Variants in ITGA8 observed in about 807,000 individuals in gnomAD.
ITGA8 encodes the protein integrin alpha-8.
Under a neutral mutation model 142.3 loss-of-function variants are expected in ITGA8, and 91 were observed. The ratio of observed to expected loss-of-function variants is 0.64; its 90% CI spans 0.54 to 0.76. The LOEUF (loss-of-function observed/expected upper bound fraction) is 0.76. Among genes scored for constraint, ITGA8 ranks in the 30% least tolerant of loss-of-function variants. The probability of loss-of-function intolerance (pLI) is 0.00; values close to 1 mark genes in which losing one functional copy is unlikely to be tolerated. For synonymous variants in ITGA8, 505 were observed against 485.2 expected, an observed-to-expected ratio of 1.04 and a Z score of -0.54; for missense variants, 1,406 against 1,327.7, an observed-to-expected ratio of 1.06 and a Z score of -0.92.
intron 2 of ITGA8, among the ~76,000 whole-genome samples, chr10:15,696,350 A>G (rs555417399): frequency 1.5e-4 from 23 of 152,332 alleles, no homozygotes; most frequent in African/African-American, 5.3e-4. Context: ...CTAATAAACG[A>G]AAACCAAAGT....
intron 6 of ITGA8, among the ~76,000 whole-genome samples, chr10:15,673,278 T>A (rs1006044983): frequency 1.3e-5 from 2 of 152,144 alleles, no homozygotes; most frequent in Admixed American, 1.3e-4. Flanking sequence ...AGAGACGCAG[T>A]TTCACTATGT....
At chr10:15,575,930 C>T (rs1386213136) in intron 23 of ITGA8, among the ~76,000 whole-genome samples, 1 of 144,642 alleles carries the variant, frequency 6.9e-6, no homozygotes, top group East Asian at 2.1e-4. Context: ...ATCTATTTCA[C>T]ATGTGAGAAC....
intron 2 of ITGA8, among the ~76,000 whole-genome samples, chr10:15,691,117 A>T (rs567047553): frequency 2.6e-5 from 4 of 152,220 alleles, no homozygotes; most frequent in Non-Finnish European, 5.9e-5. Context: ...ATCATCAGGG[A>T]TATGCAAATT....
At chr10:15,662,088 G>A (rs1464280025) in intron 8 of ITGA8, among the ~76,000 whole-genome samples, 1 of 152,054 alleles carries the variant, frequency 6.6e-6, no homozygotes, top group African/African-American at 2.4e-5. Context: ...TAAAGTATCA[G>A]TCTCCCACCC....
intron 13 of ITGA8, among the ~76,000 whole-genome samples, chr10:15,635,974 G>T (rs1410505665): frequency 1.3e-5 from 2 of 148,188 alleles, no homozygotes; most frequent in African/African-American, 2.5e-5. Flanking sequence ...TCATTGAAAA[G>T]ATAATGGGTT....
At position 15,677,628 on chromosome 10, in the gene ITGA8, G is replaced by A. The variant is rs1834655955; in HGVS notation, c.640C>T (p.Leu214Phe). ...FSLDFYKNGD[L>F]IVGGPGSFYW... ...AAACTCCCAGGTCCTCCCACAATAA[G>A]GTCTCCATTCTACAAAACAGAAACA... The change falls in exon 6 of 30, where the codon CTT (leucine) becomes TTT (phenylalanine). Residue 214 changes from leucine to phenylalanine, a missense_variant. Transcript: ENST00000378076. 2 of 1,612,672 alleles carry A rather than the reference G, an allele frequency of 1.2e-6. No homozygotes were observed. The highest frequency in any genetic ancestry group is 3.3e-5 in the Admixed American group (2 of 59,800).
chr10:15,561,245 A>ATG (rs1179046852), intron 25 of ITGA8, among the ~76,000 whole-genome samples: 3,948 of 133,708 alleles, frequency 0.03, 213 homozygotes, highest in African/African-American at 0.11. Context: ...GTATATATAT[A>ATG]TATATATATG....
chr10:15,677,351 G>T (rs1383162017), intron 6 of ITGA8, among the ~76,000 whole-genome samples: 1 of 152,066 alleles, frequency 6.6e-6, no homozygotes, highest in Non-Finnish European at 1.5e-5. Context: ...ACCCTGATTT[G>T]ATCATTACAC....
intron 13 of ITGA8, among the ~76,000 whole-genome samples, chr10:15,637,169 G>T (rs1412417657): frequency 4.6e-5 from 7 of 152,160 alleles, no homozygotes; most frequent in African/African-American, 1.4e-4. Context: ...AACAGAGGCT[G>T]TCCCTCTCCA....
intron 21 of ITGA8, among the ~76,000 whole-genome samples, chr10:15,593,613 G>A (rs1010777304): frequency 3.3e-5 from 5 of 152,108 alleles, no homozygotes; most frequent in South Asian, 2.1e-4. Context: ...TAATATGAAC[G>A]AATAATAAAT....
chr10:15,639,203 C>T (rs942600074), intron 13 of ITGA8, among the ~76,000 whole-genome samples: 6 of 151,898 alleles, frequency 4.0e-5, no homozygotes, highest in African/African-American at 1.5e-4. Flanking sequence ...GCAGGAACCA[C>T]ACAGAGGCAA....
chr10:15,578,207 C>T (rs1299503189), intron 23 of ITGA8, among the ~76,000 whole-genome samples: 1 of 152,088 alleles, frequency 6.6e-6, no homozygotes, highest in Non-Finnish European at 1.5e-5. Context: ...CTCTTGGCAA[C>T]CACTAATCTG....
rs879762081 is a variant in ITGA8 at position 15,573,876 on chromosome 10, T to TA, written c.2479-1508dup. ...CTTTACTGCTAGCATTGACTTTATTTAAAAAAAAAAACAAAAGCAAAAACA... is the reference window on the plus strand; with the variant it reads ...CTTTACTGCTAGCATTGACTTTATTTAAAAAAAAAAAACAAAAGCAAAAACA... On this transcript the variant is annotated intron_variant, in intron 24 of 29. Transcript: ENST00000378076. 1.5e-3 allele frequency among the ~76,000 whole-genome samples: 223 copies of TA among 146,180 alleles called. 1 individual carries two copies. The highest frequency in any genetic ancestry group is 3.4e-3 in the Middle Eastern group (1 of 290).
At chr10:15,685,938 TGA>T (rs1834826907) in intron 3 of ITGA8, among the ~76,000 whole-genome samples, 2 of 152,298 alleles carry the variant, frequency 1.3e-5, no homozygotes, top group South Asian at 4.1e-4. Context: ...TTGTTAGGAA[TGA>T]GAGAGGAAAT....
At chr10:15,586,166 C>A (rs1449108338) in intron 23 of ITGA8, among the ~76,000 whole-genome samples, 6 of 141,264 alleles carry the variant, frequency 4.2e-5, no homozygotes, top group Admixed American at 7.8e-5. Context: ...TCAAGTGATT[C>A]TCCTGCCTCA....
At chr10:15,555,633 C>A (rs1328465863) in intron 26 of ITGA8, among the ~76,000 whole-genome samples, 1 of 152,028 alleles carries the variant, frequency 6.6e-6, no homozygotes, top group African/African-American at 2.4e-5. Context: ...ACTGTGACTG[C>A]TGCCCCTGTA....
chr10:15,597,723 C>T (rs1441815280), intron 20 of ITGA8, among the ~76,000 whole-genome samples: 1 of 152,040 alleles, frequency 6.6e-6, no homozygotes, highest in Non-Finnish European at 1.5e-5. Context: ...TGACCATTTG[C>T]CAGATAATTG....
intron 25 of ITGA8, among the ~76,000 whole-genome samples, chr10:15,559,291 G>A (rs542269474): frequency 5.8e-4 from 89 of 152,232 alleles, no homozygotes; most frequent in African/African-American, 1.9e-3. Flanking sequence ...CCTGCTCTTC[G>A]TTCCCGATGG....
intron 12 of ITGA8, among the ~76,000 whole-genome samples, chr10:15,645,271 C>G (rs1833959580): frequency 6.6e-6 from 1 of 152,016 alleles, no homozygotes; most frequent in South Asian, 2.1e-4. Context: ...ATGATTTTAC[C>G]TACTTTGTAT....
Sources: gnomAD v4.1 joint callset for allele counts (sites outside exome capture counted in the v4.1 genomes callset) on GRCh38, gnomAD v4.1.1 for gene constraint, MANE v1.5 for transcripts, NCBI Gene and HGNC (gene_info 2026-07-23, HGNC 2026-07-21) for gene names.